The following TANC2 variants were observed in gnomAD, a reference collection of about 807,000 sequenced individuals.
The protein encoded by TANC2 is tetratricopeptide repeat, ankyrin repeat and coiled-coil containing 2, also known as protein TANC2.
A neutral mutation model predicts 210.5 loss-of-function variants in TANC2; 26 were observed. That is an observed-to-expected ratio of 0.12 (90% confidence interval 0.09 to 0.17). TANC2 has a LOEUF of 0.17. TANC2 is among the 10% of genes least tolerant of loss of function. TANC2 has a pLI of 1.00. For synonymous variants in TANC2, 931 were observed against 967.1 expected (o/e 0.96, Z 0.69); for missense variants, 2,129 against 2,608.9 (o/e 0.82, Z 4.01).
intron 19 of TANC2, among the ~76,000 whole-genome samples, chr17:63,404,267 A>G (rs1687348589): frequency 6.6e-6 from 1 of 152,248 alleles, no homozygotes; most frequent in South Asian, 2.1e-4. Context: ...CATATTTGTT[A>G]AAAGATAGAC....
intron 26 of TANC2, among the ~76,000 whole-genome samples, chr17:63,416,138 C>T (rs555905812): frequency 5.6e-4 from 86 of 152,252 alleles, no homozygotes; most frequent in Non-Finnish European, 1.5e-4. Context: ...TCGAACTTTT[C>T]GCCTCTTTCC....
chr17:63,011,392 A>G (rs947545339), intron 2 of TANC2, among the ~76,000 whole-genome samples: 1 of 152,166 alleles, frequency 6.6e-6, no homozygotes, highest in African/African-American at 2.4e-5. Context: ...AATGTTCTGA[A>G]TGTACCTGAA....
At chr17:63,036,295 G>A (rs2034969481) in intron 2 of TANC2, among the ~76,000 whole-genome samples, 1 of 152,116 alleles carries the variant, frequency 6.6e-6, no homozygotes, top group Non-Finnish European at 1.5e-5. Flanking sequence ...TATATAAAGT[G>A]TGAGGTTAAG....
intron 4 of TANC2, among the ~76,000 whole-genome samples, chr17:63,111,197 C>T (rs2038028619): frequency 6.6e-6 from 1 of 152,102 alleles, no homozygotes; most frequent in Non-Finnish European, 1.5e-5. Context: ...CACCTGTAAT[C>T]CCAGCTACTC....
chr17:63,278,904 G>A (rs571266031), intron 9 of TANC2, among the ~76,000 whole-genome samples: 22 of 152,186 alleles, frequency 1.4e-4, no homozygotes, highest in African/African-American at 4.1e-4. Flanking sequence ...GTAACCATCA[G>A]AATAGAAAGT....
At chr17:63,294,968 C>G (rs1197339170) in intron 9 of TANC2, among the ~76,000 whole-genome samples, 2 of 152,106 alleles carry the variant, frequency 1.3e-5, no homozygotes, top group African/African-American at 4.8e-5. Context: ...TCTTGGAAAC[C>G]AGCAGATATT....
intron 4 of TANC2, among the ~76,000 whole-genome samples, chr17:63,126,957 G>A (rs2038733690): frequency 6.6e-6 from 1 of 152,094 alleles, no homozygotes; most frequent in African/African-American, 2.4e-5. Context: ...TTACTGAAAG[G>A]TTATAATGTA....
At chr17:63,314,083 T>C (rs2045226264) in intron 9 of TANC2, among the ~76,000 whole-genome samples, 1 of 152,094 alleles carries the variant, frequency 6.6e-6, no homozygotes, top group African/African-American at 2.4e-5. Context: ...TAGTGATTGC[T>C]GGTGCTTGGG....
intron 7 of TANC2, among the ~76,000 whole-genome samples, chr17:63,220,185 C>T (rs2042131208): frequency 1.3e-5 from 2 of 151,544 alleles, no homozygotes; most frequent in South Asian, 2.1e-4. Flanking sequence ...ATCCCAGCTA[C>T]TCAGGAGGCT....
At chr17:62,990,139 C>T (rs908354460) in intron 1 of TANC2, among the ~76,000 whole-genome samples, 2 of 152,048 alleles carry the variant, frequency 1.3e-5, no homozygotes, top group Non-Finnish European at 2.9e-5. Context: ...GGTTGAGCAA[C>T]TTAGCGATGA....
intron 14 of TANC2, among the ~76,000 whole-genome samples, chr17:63,363,757 A>G (rs183555265): frequency 2.9e-4 from 44 of 152,264 alleles, no homozygotes; most frequent in South Asian, 8.3e-4. Context: ...GTTTGGGTCT[A>G]TAGTATAATT....
intron 5 of TANC2, among the ~76,000 whole-genome samples, chr17:63,164,123 C>A (rs575858204): frequency 1.4e-5 from 2 of 147,756 alleles, no homozygotes; most frequent in South Asian, 4.2e-4. Context: ...GCTGCAGCAT[C>A]AGCAGCTTTT....
intron 3 of TANC2, among the ~76,000 whole-genome samples, chr17:63,085,513 A>AAT (rs2036927531): frequency 1.3e-5 from 2 of 151,942 alleles, no homozygotes; most frequent in African/African-American, 4.8e-5. Context: ...TAAAATTTGC[A>AAT]ATATATATTT....
rs114661761 is a variant in TANC2 at position 63,414,482 on chromosome 17, C to T, written c.4020+848C>T. On this transcript the variant is annotated intron_variant, in intron 25 of 27. Transcript: ENST00000689528. ...AAGCCCTGGCCCAACCTTGATTTTA[C>T]GTGACTTCATAGAAGGTCCTCATTA... is the stretch of plus-strand genomic sequence containing the variant. Among the ~76,000 whole-genome samples the T allele has an allele frequency of 6.0e-3, 908 of 152,274 alleles. 12 individuals carry two copies. Among genetic ancestry groups the T allele is most frequent in the African/African-American group, 0.02 (831 of 41,544 alleles).
At chr17:63,055,412 G>A (rs1256101527) in intron 2 of TANC2, among the ~76,000 whole-genome samples, 3 of 90,526 alleles carry the variant, frequency 3.3e-5, no homozygotes, top group African/African-American at 2.1e-4. Context: ...TAAAAAAACA[G>A]CAGTATTCTC....
intron 8 of TANC2, among the ~76,000 whole-genome samples, chr17:63,242,474 A>G (rs1413308144): frequency 6.6e-6 from 1 of 152,074 alleles, no homozygotes; most frequent in Non-Finnish European, 1.5e-5. Context: ...GTGGTTCCAT[A>G]TCCATGGATA....
intron 17 of TANC2, among the ~76,000 whole-genome samples, chr17:63,391,992 G>A (rs1442201396): frequency 1.3e-5 from 2 of 152,164 alleles, no homozygotes; most frequent in Non-Finnish European, 2.9e-5. Flanking sequence ...CTCCCAAAGT[G>A]CTGGGATTAC....
intron 2 of TANC2, among the ~76,000 whole-genome samples, chr17:63,024,905 A>ACG (rs1262559830): frequency 3.9e-5 from 6 of 152,206 alleles, no homozygotes; most frequent in African/African-American, 1.4e-4. Context: ...GTAGTGACTC[A>ACG]GATGTAAGAG....
chr17:63,082,678 G>A (rs2036823767), intron 3 of TANC2, among the ~76,000 whole-genome samples: 1 of 152,114 alleles, frequency 6.6e-6, no homozygotes, highest in African/African-American at 2.4e-5. Flanking sequence ...TGGACTGTAG[G>A]GTGATCATTC....
Sources: allele counts gnomAD v4.1 joint callset (sites outside exome capture counted in the v4.1 genomes callset), GRCh38; gene constraint gnomAD v4.1.1; transcripts MANE v1.5; gene names NCBI Gene and HGNC (gene_info 2026-07-23, HGNC 2026-07-21).